TMEM39B: variants seen among roughly 807,000 people sequenced by gnomAD.
TMEM39B encodes the protein transmembrane protein 39B.
Under a neutral mutation model 52.2 loss-of-function variants are expected in TMEM39B, and 23 were observed. The ratio of observed to expected loss-of-function variants is 0.44; its 90% CI spans 0.32 to 0.62. The LOEUF (loss-of-function observed/expected upper bound fraction) is 0.62, where lower values mean the gene tolerates loss of function less well. TMEM39B is among the 20% of genes least tolerant of loss of function. The pLI, the probability that TMEM39B is intolerant of heterozygous loss-of-function variation, is 0.06. For synonymous variants in TMEM39B, 285 were observed against 264.0 expected (o/e 1.08, Z -0.77); for missense variants, 547 against 642.0 (o/e 0.85, Z 1.60).
At chr1:32,078,798 G>C (rs998116101) in intron 5 of TMEM39B, among the ~76,000 whole-genome samples, 5 of 151,772 alleles carry the variant, frequency 3.3e-5, no homozygotes, top group African/African-American at 4.8e-5. Context: ...CCACCACCAC[G>C]CCTGGCTACT....
chr1:32,091,134 G>A (rs1046427651), intron 5 of TMEM39B, among the ~76,000 whole-genome samples: 4 of 152,054 alleles, frequency 2.6e-5, no homozygotes, highest in Non-Finnish European at 5.9e-5. Context: ...TGTTGAGTAG[G>A]TGCCTTGATC....
At chr1:32,075,453 G>A (rs1421588765) in intron 2 of TMEM39B, 150 bp from the exon 3 acceptor site, 5 of 787,764 alleles carry the variant, frequency 6.3e-6, no homozygotes, top group East Asian at 2.7e-5. Context: ...AGGCTTTGTC[G>A]GGTTCCTTTG....
chr1:32,086,059 T>C (rs757633416), intron 5 of TMEM39B, among the ~76,000 whole-genome samples: 9 of 151,518 alleles, frequency 5.9e-5, no homozygotes, highest in Non-Finnish European at 1.3e-4. Flanking sequence ...AGAAAGGGAG[T>C]GGTGGGGGTG....
intron 5 of TMEM39B, among the ~76,000 whole-genome samples, chr1:32,088,714 T>A (rs1417573703): frequency 6.6e-6 from 1 of 152,136 alleles, no homozygotes; most frequent in African/African-American, 2.4e-5. Context: ...CCAAATAATT[T>A]AATTGATCAT....
rs1476596698 is a variant in TMEM39B at position 32,091,714 on chromosome 1, C to T, written c.630C>T (p.Asp210=). 1.2e-6 allele frequency: 2 copies of T among 1,612,170 alleles called. No homozygotes were observed. Among genetic ancestry groups the T allele is most frequent in the Non-Finnish European group, 1.7e-6 (2 of 1,178,634 alleles). Residue 210 remains aspartate (D), a synonymous_variant, in exon 6 of 9, where the codon GAC becomes GAT. Coordinates refer to ENST00000336294, the MANE Select transcript of TMEM39B (RefSeq NM_018056.4). Reference sequence around the variant, plus strand: ...TTCCGTTCCTGCAGCTGAATTGCGACCTCCGCAAGACAAGCCTCTTCAACC... The same window carrying T: ...TTCCGTTCCTGCAGCTGAATTGCGATCTCCGCAAGACAAGCCTCTTCAACC... ...MYIPFLQLNC[D]LRKTSLFNHM...
At chr1:32,087,925 G>A (rs998273142) in intron 5 of TMEM39B, 1 of 151,080 alleles carries the variant, frequency 6.6e-6, no homozygotes, top group Admixed American at 6.6e-5. Flanking sequence ...TGGGATTACA[G>A]GCATGAGCCA....
At chr1:32,083,489 C>T (rs1259484786) in intron 5 of TMEM39B, among the ~76,000 whole-genome samples, 4 of 117,060 alleles carry the variant, frequency 3.4e-5, no homozygotes, top group Admixed American at 2.5e-4. Flanking sequence ...ATAGTGCAAT[C>T]TTGGCTCACT....
chr1:32,097,664 A>G (rs962392708), intron 7 of TMEM39B, among the ~76,000 whole-genome samples: 5 of 139,622 alleles, frequency 3.6e-5, no homozygotes, highest in Non-Finnish European at 7.8e-5. Context: ...TTTGTTTTTG[A>G]GATGGAGTCT....
At chr1:32,093,181 C>T (rs1294861133) in intron 6 of TMEM39B, among the ~76,000 whole-genome samples, 4 of 151,926 alleles carry the variant, frequency 2.6e-5, no homozygotes, top group Admixed American at 6.6e-5. Flanking sequence ...TCACTGCATC[C>T]TCCACCTCCC....
chr1:32,084,931 C>T (rs1640278292), intron 5 of TMEM39B, among the ~76,000 whole-genome samples: 1 of 152,186 alleles, frequency 6.6e-6, no homozygotes, highest in African/African-American at 2.4e-5. Flanking sequence ...TCCATTGTCT[C>T]TAGTATCCAG....
At chr1:32,088,769 C>CTTTTTTTTTTTTTTTTTTTTTTTT (rs1001029615) in intron 5 of TMEM39B, among the ~76,000 whole-genome samples, 1 of 152,098 alleles carries the variant, frequency 6.6e-6, no homozygotes, top group Admixed American at 6.6e-5. Context: ...CAGCGAGATT[C>CTTTTTTTTTTTTTTTTTTTTTTTT]TTTAAGTTTA....
At position 32,102,505 on chromosome 1, in the gene TMEM39B, G is replaced by A. The variant is rs561127202; in HGVS notation, c.1311G>A (p.Leu437=). ...LLEGAVIVYQ[L]YSLMSSEKWH... ...AGGGCGCTGTCATTGTCTATCAGCT[G>A]TACTCCCTAATGTCCTCTGAAAAGT... The change falls in exon 9 of 9, where the codon CTG becomes CTA. Residue 437 remains leucine, a synonymous_variant. Transcript: ENST00000336294. 1 of 1,614,188 alleles carries A rather than the reference G, an allele frequency of 6.2e-7. No individual in the cohort carries two copies. Among genetic ancestry groups the A allele is most frequent in the South Asian group, 1.1e-5 (1 of 91,084 alleles).
At chr1:32,082,601 T>C (rs1352872127) in intron 5 of TMEM39B, among the ~76,000 whole-genome samples, 2 of 150,194 alleles carry the variant, frequency 1.3e-5, no homozygotes, top group African/African-American at 2.5e-5. Context: ...ATTACAGGTG[T>C]GCACCACCAC....
rs1639885438 is a variant in TMEM39B, at chr1:32,076,883, A to T, written c.435+37A>T. ...CTAGAGGCTGGCCAGGGACTTTGGG[A>T]TTCCCCTTTTCCCCTGGGGATGCCA... On this transcript the variant is annotated intron_variant, in intron 4 of 8. Transcript: ENST00000336294. 7 of 1,607,192 alleles carry T rather than the reference A, an allele frequency of 4.4e-6. No homozygotes were observed. In the East Asian group the frequency reaches 6.7e-5, roughly 15 times the overall value.
intron 5 of TMEM39B, among the ~76,000 whole-genome samples, chr1:32,086,473 A>G (rs1232302851): frequency 6.6e-6 from 1 of 152,192 alleles, no homozygotes; most frequent in Non-Finnish European, 1.5e-5. Flanking sequence ...TACACACACA[A>G]AAAAGAAAGT....
intron 5 of TMEM39B, among the ~76,000 whole-genome samples, chr1:32,082,867 T>C (rs1172583318): frequency 1.3e-5 from 2 of 151,352 alleles, no homozygotes; most frequent in African/African-American, 2.4e-5. Context: ...CTCTGCCTCC[T>C]GGGTTCACGC....
rs762975138 is a variant in TMEM39B, at chr1:32,076,771, T to G, written c.360T>G (p.His120Gln). 1 of 1,613,898 alleles carries G rather than the reference T, an allele frequency of 6.2e-7. No homozygotes were observed. Among genetic ancestry groups the G allele is most frequent in the Non-Finnish European group, 8.5e-7 (1 of 1,179,944 alleles). The change falls in exon 4 of 9, where the codon CAT (histidine) becomes CAG (glutamine). Residue 120 changes from histidine (H) to glutamine (Q), a missense_variant. Physicochemically the swap from His to Gln is conservative, Grantham distance 24. Coordinates refer to ENST00000336294, the MANE Select transcript of TMEM39B (RefSeq NM_018056.4). ...HPPSHTSLNF[H>Q]LIDFNLLMVT... ...CCTCTGCCCCCTGACAGAACTTCCATCTGATCGACTTCAACTTGCTGATGG... is the reference window on the plus strand; with the variant it reads ...CCTCTGCCCCCTGACAGAACTTCCAGCTGATCGACTTCAACTTGCTGATGG...
At position 32,076,783 on chromosome 1, in the gene TMEM39B, C is replaced by T; in HGVS notation, c.372C>T (p.Phe124=). 2 of 1,614,138 alleles carry T rather than the reference C, an allele frequency of 1.2e-6. No individual in the cohort carries two copies. The highest frequency in any genetic ancestry group is 1.7e-6 in the Non-Finnish European group (2 of 1,180,012). ...HTSLNFHLID[F]NLLMVTTIVL... ...GACAGAACTTCCATCTGATCGACTTCAACTTGCTGATGGTGACCACCATCG... is the reference window on the plus strand; with the variant it reads ...GACAGAACTTCCATCTGATCGACTTTAACTTGCTGATGGTGACCACCATCG... The change falls in exon 4 of 9, where the codon TTC becomes TTT. Residue 124 remains phenylalanine (F), a synonymous_variant. Coordinates refer to ENST00000336294, the MANE Select transcript of TMEM39B (RefSeq NM_018056.4).
chr1:32,079,436 G>A (rs139751383), intron 5 of TMEM39B, among the ~76,000 whole-genome samples: 2,379 of 151,896 alleles, frequency 0.016, 77 homozygotes, highest in African/African-American at 0.055. Flanking sequence ...TGCCCGCCTC[G>A]GCCTCCCAAA....
Sources: gnomAD v4.1 joint callset for allele counts (sites outside exome capture counted in the v4.1 genomes callset) on GRCh38, gnomAD v4.1.1 for gene constraint, MANE v1.5 for transcripts, NCBI Gene and HGNC (gene_info 2026-07-23, HGNC 2026-07-21) for gene names.